Variants in SGMS1 observed in about 807,000 individuals in gnomAD.
SGMS1 encodes sphingomyelin synthase 1, also known as phosphatidylcholine:ceramide cholinephosphotransferase 1.
A neutral mutation model predicts 46.2 loss-of-function variants in SGMS1; 13 were observed. That is an observed-to-expected ratio of 0.28 (90% CI 0.18 to 0.45). SGMS1 has a LOEUF of 0.45. SGMS1 is among the 20% of genes least tolerant of loss of function. SGMS1 has a pLI of 1.00. For synonymous variants in SGMS1, 203 were observed against 187.8 expected (o/e 1.08, Z -0.66); for missense variants, 324 against 519.9 (o/e 0.62, Z 3.66).
chr10:50,429,451 CACA>C (rs1208578068), intron 6 of SGMS1, among the ~76,000 whole-genome samples: 1 of 152,070 alleles, frequency 6.6e-6, no homozygotes, highest in Non-Finnish European at 1.5e-5. Context: ...ATTATGTTGA[CACA>C]ACAACAATAT....
chr10:50,595,816 C>T (rs886087616), intron 1 of SGMS1, among the ~76,000 whole-genome samples: 2 of 152,184 alleles, frequency 1.3e-5, no homozygotes, highest in Non-Finnish European at 2.9e-5. Context: ...TTCATGCCCC[C>T]ATCACAATGA....
rs75976271 is a variant in SGMS1 at position 50,461,364 on chromosome 10, C to T, written c.-454-550G>A. Among the ~76,000 whole-genome samples the T allele has an allele frequency of 2.6e-5, 4 of 152,108 alleles. No individual in the cohort carries two copies. In the East Asian group the frequency reaches 7.7e-4, roughly 29 times the overall value. ...ATTTCCTGGTAGCATAATCAGGAAGCTAGAGATAATGTCTTGTATTAAAGA... is the reference window on the plus strand; with the variant it reads ...ATTTCCTGGTAGCATAATCAGGAAGTTAGAGATAATGTCTTGTATTAAAGA... On this transcript the variant is annotated intron_variant, in intron 4 of 10. Coordinates refer to ENST00000361781, the MANE Select transcript of SGMS1 (RefSeq NM_147156.4).
intron 1 of SGMS1, among the ~76,000 whole-genome samples, chr10:50,593,589 TCAC>T (rs1224793325): frequency 2.6e-5 from 4 of 152,160 alleles, no homozygotes; most frequent in Admixed American, 1.3e-4. Flanking sequence ...CCACCAAGAT[TCAC>T]CACTAGCCTG....
intron 2 of SGMS1, among the ~76,000 whole-genome samples, chr10:50,569,139 C>A (rs1047080405): frequency 6.6e-6 from 1 of 150,748 alleles, no homozygotes; most frequent in Non-Finnish European, 1.5e-5. Flanking sequence ...ACATCACACA[C>A]TGGGGCCTGT....
At chr10:50,384,208 C>T (rs985705791) in intron 6 of SGMS1, among the ~76,000 whole-genome samples, 2 of 152,116 alleles carry the variant, frequency 1.3e-5, no homozygotes, top group Non-Finnish European at 2.9e-5. Context: ...TTGGAATCTC[C>T]AAGACTATTA....
intron 1 of SGMS1, among the ~76,000 whole-genome samples, chr10:50,603,657 C>T (rs973733888): frequency 5.9e-5 from 9 of 152,334 alleles, no homozygotes; most frequent in African/African-American, 2.2e-4. Context: ...GCACAACACA[C>T]TGCAGTCATC....
At chr10:50,510,735 A>G (rs971113316) in intron 3 of SGMS1, among the ~76,000 whole-genome samples, 1 of 152,110 alleles carries the variant, frequency 6.6e-6, no homozygotes, top group African/African-American at 2.4e-5. Flanking sequence ...CTATACAATT[A>G]TCAAAGCACA....
chr10:50,372,902 T>C (rs954588472), intron 6 of SGMS1, among the ~76,000 whole-genome samples: 3 of 151,936 alleles, frequency 2.0e-5, no homozygotes, highest in Non-Finnish European at 4.4e-5. Context: ...TTTTATTCTT[T>C]GCTATAAGAA....
intron 2 of SGMS1, among the ~76,000 whole-genome samples, chr10:50,542,398 T>C (rs1838060985): frequency 6.6e-6 from 1 of 152,138 alleles, no homozygotes; most frequent in African/African-American, 2.4e-5. Context: ...CTTAGACATT[T>C]GTTTAAGAAC....
At chr10:50,555,483 C>T (rs1838182737) in intron 2 of SGMS1, among the ~76,000 whole-genome samples, 1 of 152,204 alleles carries the variant, frequency 6.6e-6, no homozygotes, top group African/African-American at 2.4e-5. Context: ...TACAGGGCTT[C>T]ATGGGTACAT....
chr10:50,403,771 T>A (rs7923756), intron 6 of SGMS1, among the ~76,000 whole-genome samples: 20,132 of 148,676 alleles, frequency 0.14, 1,494 homozygotes, highest in Middle Eastern at 0.22. Flanking sequence ...AGAATAATTT[T>A]GCTGTAAGAT....
intron 6 of SGMS1, among the ~76,000 whole-genome samples, chr10:50,365,478 C>T (rs188685076): frequency 1.5e-4 from 23 of 152,006 alleles, no homozygotes; most frequent in Admixed American, 6.6e-5. Context: ...AGGTTTGTTA[C>T]GTAAGTATAC....
At position 50,367,514 on chromosome 10, in the gene SGMS1, A is replaced by ATATG. The variant is rs528998638; in HGVS notation, c.-231-23173_-231-23170dup. Among the ~76,000 whole-genome samples the ATATG allele has an allele frequency of 2.4e-4, 37 of 152,200 alleles. 1 individual carries two copies. In the South Asian group the frequency reaches 6.6e-3, roughly 27 times the overall value. On this transcript the variant is annotated intron_variant, in intron 6 of 10. Coordinates refer to ENST00000361781, the MANE Select transcript of SGMS1 (RefSeq NM_147156.4). ...TGCCCACCATGTTCTTTGCTCCCAT[A>ATATG]TATGGTTCTCCCTGTCTCCTTCTGC...
At chr10:50,624,897 G>T, upstream of SGMS1, 1 of 1,003,416 alleles carries the variant, frequency 1.0e-6, no homozygotes, top group Non-Finnish European at 1.2e-6. Context: ...GGGGGAAGGG[G>T]CGCGGCTACG....
intron 2 of SGMS1, among the ~76,000 whole-genome samples, chr10:50,553,263 TG>T (rs1206026601): frequency 2.6e-5 from 4 of 152,176 alleles, no homozygotes; most frequent in African/African-American, 7.2e-5. Context: ...ATTTAACCCC[TG>T]GGGTTCAAAT....
intron 6 of SGMS1, among the ~76,000 whole-genome samples, chr10:50,351,385 A>T (rs752083568): frequency 2.6e-5 from 4 of 152,196 alleles, no homozygotes; most frequent in Non-Finnish European, 5.9e-5. Context: ...AAATGAGTTA[A>T]GACTTTGGGG....
rs955882050 is a variant in SGMS1 at position 50,307,517 on chromosome 10, C to T, written c.1063-196G>A. Among the ~76,000 whole-genome samples, 9 of 152,260 alleles carry T rather than the reference C, an allele frequency of 5.9e-5. No homozygotes were observed. Among genetic ancestry groups the T allele is most frequent in the South Asian group, 2.1e-4 (1 of 4,818 alleles). On this transcript the variant is annotated intron_variant, in intron 10 of 10. Coordinates refer to ENST00000361781, the MANE Select transcript of SGMS1 (RefSeq NM_147156.4). This position sits in a 1 kb window ranked among gnomAD's most constrained non-coding sequence, Gnocchi z 4.2. ...GAGCCACATCCCAGTAGAAAAACAA[C>T]GCCAATTCTGGGAGGGCAAGGAGAA... is the stretch of plus-strand genomic sequence containing the variant.
At chr10:50,454,570 T>C (rs894688682) in intron 5 of SGMS1, among the ~76,000 whole-genome samples, 1 of 152,164 alleles carries the variant, frequency 6.6e-6, no homozygotes, top group African/African-American at 2.4e-5. Flanking sequence ...AGGTAATCAG[T>C]CCAACTTCTC....
intron 6 of SGMS1, among the ~76,000 whole-genome samples, chr10:50,430,938 G>A (rs1849398194): frequency 6.6e-6 from 1 of 151,926 alleles, no homozygotes; most frequent in African/African-American, 2.4e-5. Flanking sequence ...TGAACATAAT[G>A]CAACGCTATA....
Sources: allele counts gnomAD v4.1 joint callset (sites outside exome capture counted in the v4.1 genomes callset), GRCh38; gene constraint gnomAD v4.1.1; non-coding constraint Gnocchi (gnomAD v3.1); transcripts MANE v1.5; gene names NCBI Gene and HGNC (gene_info 2026-07-23, HGNC 2026-07-21).